RPS6KA6: variants seen among roughly 807,000 people sequenced by gnomAD.
RPS6KA6 encodes ribosomal protein S6 kinase A6, also known as ribosomal protein S6 kinase alpha-6.
Under a neutral mutation model 65.4 loss-of-function variants are expected in RPS6KA6, and 27 were observed. The observed-to-expected ratio is 0.41, with a 90% CI of 0.30 to 0.57. RPS6KA6 has a LOEUF of 0.57. RPS6KA6 is among the 20% of genes least tolerant of loss of function. The pLI is 0.24. For missense variants in RPS6KA6, 486 were observed against 555.6 expected (o/e 0.87, Z 1.26); for synonymous variants, 190 against 184.2 (o/e 1.03, Z -0.26).
intron 1 of RPS6KA6, among the ~76,000 whole-genome samples, chrX:84,169,465 G>A (rs1471272498): frequency 9.0e-6 from 1 of 110,761 alleles, no homozygotes; most frequent in Non-Finnish European, 1.9e-5. Flanking sequence ...CTTGGAATTG[G>A]AGGTGGTATG....
chrX:84,149,541 A>C, intron 3 of RPS6KA6, among the ~76,000 whole-genome samples: 1 of 112,172 alleles, frequency 8.9e-6, no homozygotes, highest in East Asian at 2.8e-4. Context: ...AGCAAGCATG[A>C]AAACAACATT....
At chrX:84,117,013 C>T in intron 11 of RPS6KA6, 47 bp downstream of exon 11, 1 of 809,340 alleles carries the variant, frequency 1.2e-6, no homozygotes, top group Non-Finnish European at 1.8e-6. Flanking sequence ...AATTATCCTC[C>T]CAAAACATGC....
chrX:84,166,178 T>C lies in RPS6KA6; in HGVS notation c.82-1791A>G, dbSNP rs183315662. ...AACTCTCTGAAAACTGAATTAACAT[T>C]GGAACCATTATCCAGAGAGGACAAG... is the stretch of plus-strand genomic sequence containing the variant. On this transcript the variant is annotated intron_variant, in intron 1 of 21. Coordinates refer to ENST00000262752, the MANE Select transcript of RPS6KA6 (RefSeq NM_014496.5). 4.8e-4 allele frequency among the ~76,000 whole-genome samples: 54 copies of C among 111,987 alleles called. 1 individual carries two copies. The East Asian group carries it at 7.8e-3, about 16-fold the overall frequency.
intron 3 of RPS6KA6, among the ~76,000 whole-genome samples, chrX:84,152,125 G>C (rs6622935): frequency 0.062 from 6,862 of 111,021 alleles, 229 homozygotes; most frequent in East Asian, 0.2. Flanking sequence ...CTAATATTCA[G>C]TAGTATCCCA....
chrX:84,079,708 C>T (rs1406672801), intron 20 of RPS6KA6, among the ~76,000 whole-genome samples: 2 of 111,901 alleles, frequency 1.8e-5, no homozygotes, highest in Non-Finnish European at 1.9e-5. Flanking sequence ...CAAAGCCACC[C>T]GGAAAGTGAA....
rs754107497 is a variant in RPS6KA6 at position 84,062,916 on chromosome X, C to CAGTAGTAGT, written c.*1352_*1360dup. On this transcript the variant is annotated 3_prime_UTR_variant, in exon 22 of 22. Coordinates refer to ENST00000262752, the MANE Select transcript of RPS6KA6 (RefSeq NM_014496.5). ...GTTTACATTCATGAATTCTTTCTGT[C>CAGTAGTAGT]AGTAGTAGTAGTAGTAGTAGTAGTA... 14 of 104,586 alleles carry CAGTAGTAGT rather than the reference C, an allele frequency of 1.3e-4. No homozygotes were observed. Among genetic ancestry groups the CAGTAGTAGT allele is most frequent in the East Asian group, 1.3e-3 (4 of 3,158 alleles). The allele number at this position is 104,586 out of a possible 1,213,427, so 8.6% of individuals were successfully genotyped here.
At chrX:84,106,292 ATGTT>A in intron 15 of RPS6KA6, 69 bp downstream of exon 15, 3 of 940,996 alleles carry the variant, frequency 3.2e-6, no homozygotes, top group African/African-American at 2.0e-5. Flanking sequence ...TCCACTGAAA[ATGTT>A]TGTCAGTTGA....
chrX:84,175,512 T>C (rs1164263448), intron 1 of RPS6KA6, among the ~76,000 whole-genome samples: 1 of 110,565 alleles, frequency 9.0e-6, no homozygotes, highest in Non-Finnish European at 1.9e-5. Context: ...TAGCCAAGAG[T>C]AAGGGGAGCT....
intron 16 of RPS6KA6, 43 bp from the exon 17 acceptor site, chrX:84,104,700 C>A: frequency 1.2e-6 from 1 of 800,669 alleles, no homozygotes; most frequent in South Asian, 4.3e-5. Context: ...TTTATAATTA[C>A]AATTCTATAA....
At chrX:84,091,959 C>T (rs1326138552) in intron 20 of RPS6KA6, among the ~76,000 whole-genome samples, 1 of 111,426 alleles carries the variant, frequency 9.0e-6, no homozygotes, top group Admixed American at 9.6e-5. Flanking sequence ...CATGTTCTCA[C>T]TCATAAGTGG....
rs529546818 is a variant in RPS6KA6, at chrX:84,119,733, G to A, written c.789+152C>T. On this transcript the variant is annotated intron_variant, in intron 9 of 21. Coordinates refer to ENST00000262752, the MANE Select transcript of RPS6KA6 (RefSeq NM_014496.5). ...ACACCAAAATCTTAATTTTTATTGTGTAACAGCTAGCCAATCACAAGGTTT... is the reference window on the plus strand; with the variant it reads ...ACACCAAAATCTTAATTTTTATTGTATAACAGCTAGCCAATCACAAGGTTT... 2.6e-5 allele frequency: 9 copies of A among 342,756 alleles called. No homozygotes were observed. In the South Asian group the frequency reaches 1.2e-3, roughly 46 times the overall value. 28.2% of individuals were successfully genotyped at this position (342,756 alleles called of 1,213,427 possible). A position where few individuals can be genotyped will look rare whatever the true frequency, so the allele number is the denominator to read the frequency against.
intron 12 of RPS6KA6, among the ~76,000 whole-genome samples, chrX:84,111,574 A>G (rs1461048241): frequency 8.9e-6 from 1 of 111,966 alleles, no homozygotes; most frequent in Non-Finnish European, 1.9e-5. Flanking sequence ...AGAATTTTAT[A>G]TCCAGCCAAA....
Position 84,135,203 on chromosome X carries a change from A to C in RPS6KA6, c.509T>G (p.Phe170Cys), listed in dbSNP as rs1471750613. 8.6e-7 allele frequency: 1 copy of C among 1,158,683 alleles called. No individual in the cohort carries two copies. Among genetic ancestry groups the C allele is most frequent in the African/African-American group, 1.8e-5 (1 of 56,198 alleles). The change falls in exon 7 of 22, where the codon TTT (phenylalanine) becomes TGT (cysteine). Residue 170 changes from phenylalanine (F) to cysteine (C), a missense_variant. Phe to Cys is a radical substitution (Grantham distance 205). This residue lies in a region of RPS6KA6 where 35 missense variants were observed against 75.5 expected (regional missense o/e 0.46). Transcript: ENST00000262752. ...VFTRLSKEVLFTEEDVKFYLA... is the reference protein window; with the variant it reads ...VFTRLSKEVLCTEEDVKFYLA... Reference sequence around the variant, plus strand: ...GTAGAATTTCACATCTTCCTCTGTAAACAGAACCTAGAACAAAATAATGAT... The same window carrying C: ...GTAGAATTTCACATCTTCCTCTGTACACAGAACCTAGAACAAAATAATGAT...
chrX:84,148,137 G>GAA lies in RPS6KA6; in HGVS notation c.259-16_259-15dup. On this transcript the variant is annotated splice_polypyrimidine_tract_variant and intron_variant, in intron 3 of 21. Coordinates refer to ENST00000262752, the MANE Select transcript of RPS6KA6 (RefSeq NM_014496.5). ...AACAAGAAAAACCTAATAGAAAATT[G>GAA]AACAAAAAAAAAAAGGAAAATTCAC... is the stretch of plus-strand genomic sequence containing the variant. 9.8e-7 allele frequency: 1 copy of GAA among 1,018,421 alleles called. No individual in the cohort carries two copies. The allele number at this position is 1,018,421 out of a possible 1,213,427, so 83.9% of individuals were successfully genotyped here.
chrX:84,151,308 G>T (rs754167652), intron 3 of RPS6KA6, among the ~76,000 whole-genome samples: 1 of 105,607 alleles, frequency 9.5e-6, no homozygotes, highest in East Asian at 2.9e-4. Flanking sequence ...TCTGTGAAGC[G>T]CAATGAAGTG....
intron 20 of RPS6KA6, among the ~76,000 whole-genome samples, chrX:84,075,151 G>A (rs2033636261): frequency 9.0e-6 from 1 of 111,134 alleles, no homozygotes; most frequent in African/African-American, 3.3e-5. Context: ...AGAATTACTT[G>A]AACCTGGGAG....
intron 1 of RPS6KA6, chrX:84,185,937 T>G (rs750403903): frequency 5.2e-5 from 23 of 443,985 alleles, no homozygotes; most frequent in African/African-American, 4.6e-4. Flanking sequence ...TAAGTGGGTC[T>G]GTTCAAATGT....
At chrX:84,178,606 T>C (rs976775647) in intron 1 of RPS6KA6, among the ~76,000 whole-genome samples, 6 of 111,620 alleles carry the variant, frequency 5.4e-5, no homozygotes, top group Non-Finnish European at 9.4e-5. Flanking sequence ...GACTAATTCA[T>C]TAAAATTATT....
At chrX:84,149,864 A>C (rs749366589) in intron 3 of RPS6KA6, among the ~76,000 whole-genome samples, 2 of 111,816 alleles carry the variant, frequency 1.8e-5, no homozygotes, top group East Asian at 5.7e-4. Flanking sequence ...CTGTCCTTCC[A>C]AGCTATGAAG....
Sources: gnomAD v4.1 joint callset for allele counts (sites outside exome capture counted in the v4.1 genomes callset) on GRCh38, gnomAD v4.1.1 for gene constraint, gnomAD v4.1.1 regional missense constraint, MANE v1.5 for transcripts, NCBI Gene and HGNC (gene_info 2026-07-23, HGNC 2026-07-21) for gene names.